Variants in PDE4D observed in about 807,000 individuals in gnomAD.
The protein encoded by PDE4D is phosphodiesterase 4D, also known as 3',5'-cyclic-AMP phosphodiesterase 4D.
A neutral mutation model predicts 87.4 loss-of-function variants in PDE4D; 24 were observed. The ratio of observed to expected loss-of-function variants is 0.27; its 90% CI spans 0.20 to 0.39. The LOEUF is 0.39. PDE4D is among the 10% of genes least tolerant of loss of function. PDE4D has a pLI of 1.00. For missense variants in PDE4D, 714 were observed against 1,041.0 expected, an observed-to-expected ratio of 0.69 and a Z score of 4.32; for synonymous variants, 384 against 383.2, an observed-to-expected ratio of 1.00 and a Z score of -0.02.
At chr5:59,959,556 G>T (rs998421470) in intron 3 of PDE4D, among the ~76,000 whole-genome samples, 72 of 152,006 alleles carry the variant, frequency 4.7e-4, no homozygotes, top group African/African-American at 1.7e-3. Context: ...AAATAAAGCT[G>T]CACGCCTACA....
At position 59,722,106 on chromosome 5, in the gene PDE4D, G is replaced by T. The variant is rs184509317; in HGVS notation, c.455+171062C>A. Among the ~76,000 whole-genome samples, 370 of 152,300 alleles carry T rather than the reference G, an allele frequency of 2.4e-3. 2 individuals carry two copies. Among genetic ancestry groups the T allele is most frequent in the Non-Finnish European group, 2.6e-3 (175 of 68,026 alleles). On this transcript the variant is annotated intron_variant, in intron 1 of 14. Transcript: ENST00000340635. Reference sequence around the variant, plus strand: ...GACACTACTCAGAACAATTAAAAAGGTTTGAATATTCCCATACCCTATAAT... The same window carrying T: ...GACACTACTCAGAACAATTAAAAAGTTTTGAATATTCCCATACCCTATAAT...
At chr5:60,032,677 T>A (rs1259693060) in intron 2 of PDE4D, 1 of 152,174 alleles carries the variant, frequency 6.6e-6, no homozygotes, top group Non-Finnish European at 1.5e-5. Context: ...ATAAGGTAGT[T>A]GTAAGAATTA....
chr5:59,735,191 G>C (rs974246910), intron 1 of PDE4D, among the ~76,000 whole-genome samples: 1 of 152,184 alleles, frequency 6.6e-6, no homozygotes, highest in African/African-American at 2.4e-5. Context: ...ATGTATCATA[G>C]AGTGATATTG....
chr5:59,569,735 T>C (rs1000304751), intron 1 of PDE4D, among the ~76,000 whole-genome samples: 1 of 152,130 alleles, frequency 6.6e-6, no homozygotes, highest in Non-Finnish European at 1.5e-5. Flanking sequence ...TACTGCATCA[T>C]TTTCTCTAAC....
intron 1 of PDE4D, among the ~76,000 whole-genome samples, chr5:59,371,093 G>T (rs1334022628): frequency 6.6e-6 from 1 of 152,074 alleles, no homozygotes; most frequent in Non-Finnish European, 1.5e-5. Context: ...TTTTATATGG[G>T]GCCCAAGACA....
At chr5:59,727,112 G>A (rs1341336373) in intron 1 of PDE4D, among the ~76,000 whole-genome samples, 1 of 152,070 alleles carries the variant, frequency 6.6e-6, no homozygotes, top group Admixed American at 6.6e-5. Flanking sequence ...TCATACTGTA[G>A]AACGGTTCTT....
intron 1 of PDE4D, among the ~76,000 whole-genome samples, chr5:59,229,837 T>A (rs1754739398): frequency 6.6e-6 from 1 of 152,192 alleles, no homozygotes; most frequent in Non-Finnish European, 1.5e-5. Flanking sequence ...TTGCTCTTGT[T>A]GTGCAGGCTG....
chr5:59,062,631 T>C (rs887408991), intron 5 of PDE4D, among the ~76,000 whole-genome samples: 2 of 151,984 alleles, frequency 1.3e-5, no homozygotes, highest in Non-Finnish European at 1.5e-5. Flanking sequence ...TGTGTATGTA[T>C]ATTTGTGTGT....
At chr5:59,732,662 G>A (rs906409532) in intron 1 of PDE4D, among the ~76,000 whole-genome samples, 1 of 152,092 alleles carries the variant, frequency 6.6e-6, no homozygotes, top group Non-Finnish European at 1.5e-5. Context: ...GAAATGATCA[G>A]TATGAGCTTT....
chr5:60,389,266 G>A (rs1304230510), intron 1 of PDE4D, among the ~76,000 whole-genome samples: 1 of 152,154 alleles, frequency 6.6e-6, no homozygotes, highest in Non-Finnish European at 1.5e-5. Flanking sequence ...TCTCAGCTTG[G>A]AGTCTATGCC....
intron 6 of PDE4D, among the ~76,000 whole-genome samples, chr5:59,012,246 A>G (rs1397656829): frequency 6.6e-6 from 1 of 152,204 alleles, no homozygotes; most frequent in Admixed American, 6.5e-5. Flanking sequence ...TGCATCAACT[A>G]ATGGGCAAAA....
intron 1 of PDE4D, among the ~76,000 whole-genome samples, chr5:59,421,292 G>A (rs1438058135): frequency 6.6e-5 from 10 of 152,122 alleles, no homozygotes; most frequent in Admixed American, 2.0e-4. Context: ...AACACAGTAC[G>A]TTTTAGTGTA....
intron 1 of PDE4D, among the ~76,000 whole-genome samples, chr5:59,340,347 A>G (rs1350316692): frequency 6.6e-6 from 1 of 152,196 alleles, no homozygotes; most frequent in Non-Finnish European, 1.5e-5. Context: ...TTAAAAAGCC[A>G]TATTACAAAA....
At chr5:60,447,098 G>A (rs16878104) in intron 1 of PDE4D, among the ~76,000 whole-genome samples, 6,873 of 152,084 alleles carry the variant, frequency 0.045, 260 homozygotes, top group East Asian at 0.18. Context: ...ACACCATACC[G>A]TGGCCTCCAG....
At chr5:59,822,919 T>C (rs545224295) in intron 1 of PDE4D, among the ~76,000 whole-genome samples, 2 of 152,358 alleles carry the variant, frequency 1.3e-5, no homozygotes, top group African/African-American at 4.8e-5. Context: ...TTTCCTCAGC[T>C]AGACTGACTG....
chr5:60,123,313 GC>G (rs1160143110), intron 2 of PDE4D, among the ~76,000 whole-genome samples: 1 of 152,072 alleles, frequency 6.6e-6, no homozygotes, highest in Non-Finnish European at 1.5e-5. Flanking sequence ...TTTTCACATT[GC>G]TTATAAAGAC....
At chr5:60,415,857 T>C (rs1211523700) in intron 1 of PDE4D, among the ~76,000 whole-genome samples, 2 of 152,236 alleles carry the variant, frequency 1.3e-5, no homozygotes, top group Non-Finnish European at 2.9e-5. Flanking sequence ...CGGGACCCAC[T>C]GGGTGAAGCC....
chr5:59,019,869 C>T (rs929898491), intron 6 of PDE4D, among the ~76,000 whole-genome samples: 8 of 132,580 alleles, frequency 6.0e-5, no homozygotes, highest in Admixed American at 2.4e-4. Context: ...CTATATGTTT[C>T]GCTATCTATC....
At chr5:59,286,764 A>G (rs755416708) in intron 1 of PDE4D, among the ~76,000 whole-genome samples, 2 of 152,188 alleles carry the variant, frequency 1.3e-5, no homozygotes, top group Non-Finnish European at 2.9e-5. Context: ...TTCTCTATGG[A>G]CTTACCTATT....
Sources: allele counts gnomAD v4.1 joint callset (sites outside exome capture counted in the v4.1 genomes callset), GRCh38; gene constraint gnomAD v4.1.1; transcripts MANE v1.5; gene names NCBI Gene and HGNC (gene_info 2026-07-23, HGNC 2026-07-21).